Variants in NRIP1 observed in about 807,000 individuals in gnomAD.
The protein encoded by NRIP1 is nuclear receptor-interacting protein 1.
NRIP1 carries 28 observed loss-of-function variants against 75.0 expected under a neutral mutation model. The ratio of observed to expected loss-of-function variants is 0.37; its 90% confidence interval spans 0.28 to 0.51. The LOEUF (loss-of-function observed/expected upper bound fraction) is 0.51. Ranked by LOEUF, NRIP1 falls within the 20% of genes least tolerant of loss-of-function variation. The pLI is 0.92. For synonymous variants in NRIP1, 526 were observed against 487.6 expected, an observed-to-expected ratio of 1.08 and a Z score of -1.04; for missense variants, 1,435 against 1,343.7, an observed-to-expected ratio of 1.07 and a Z score of -1.06.
intron 3 of NRIP1, among the ~76,000 whole-genome samples, chr21:14,983,774 C>A (rs572414474): frequency 2.6e-5 from 4 of 152,160 alleles, no homozygotes; most frequent in Non-Finnish European, 4.4e-5. Flanking sequence ...TTAAAAATGA[C>A]GATAAATCTA....
At chr21:15,013,074 C>A (rs1239882937) in intron 3 of NRIP1, among the ~76,000 whole-genome samples, 1 of 151,810 alleles carries the variant, frequency 6.6e-6, no homozygotes, top group Non-Finnish European at 1.5e-5. Context: ...TTTCAGACTG[C>A]CAACCAGTGA....
chr21:15,016,103 A>T (rs1396425282), intron 2 of NRIP1, among the ~76,000 whole-genome samples: 1 of 152,216 alleles, frequency 6.6e-6, no homozygotes, highest in Non-Finnish European at 1.5e-5. Flanking sequence ...GCTATCATGG[A>T]CATGACTGTA....
chr21:14,965,465 TA>T lies in NRIP1; in HGVS notation c.2727del (p.Phe909LeufsTer28). On this transcript the variant is annotated frameshift_variant, in exon 4 of 4. Transcript: ENST00000318948. LOFTEE classifies it high-confidence loss of function. ...ELKFSRNDLE[F>X]KYPAGHGSAS... ...GCTGAGCCATGACCAGCAGGATATT[TA>T]AATTCAAGATCATTTCTGCTAAATT... The T allele has an allele frequency of 6.2e-7, 1 of 1,613,966 alleles. No individual in the cohort carries two copies.
intron 2 of NRIP1, among the ~76,000 whole-genome samples, chr21:15,034,366 T>G (rs1005813035): frequency 3.3e-5 from 5 of 152,210 alleles, no homozygotes. Context: ...TCATGCTTTA[T>G]ACTGAAAACT....
intron 3 of NRIP1, chr21:14,991,176 G>A (rs934294034): frequency 7.2e-5 from 11 of 151,788 alleles, no homozygotes; most frequent in Non-Finnish European, 1.5e-4. Context: ...TTCCACTGCT[G>A]TAGTTCTAAC....
intron 1 of NRIP1, among the ~76,000 whole-genome samples, chr21:15,047,051 C>T (rs2089095445): frequency 6.6e-6 from 1 of 152,136 alleles, no homozygotes. Flanking sequence ...TTAGTCCGTT[C>T]TCACACAGCT....
chr21:15,052,589 TGACTTA>T (rs2089224995), intron 1 of NRIP1, among the ~76,000 whole-genome samples: 8 of 152,296 alleles, frequency 5.3e-5, no homozygotes, highest in African/African-American at 7.2e-5. Flanking sequence ...ATACAGCCAA[TGACTTA>T]AACTACAGAA....
At chr21:14,988,357 A>T (rs924848467) in intron 3 of NRIP1, among the ~76,000 whole-genome samples, 8 of 151,714 alleles carry the variant, frequency 5.3e-5, no homozygotes, top group African/African-American at 1.7e-4. Flanking sequence ...CTCAAACAAA[A>T]TTTTTTTTGA....
intron 2 of NRIP1, among the ~76,000 whole-genome samples, chr21:15,014,966 A>T (rs2088191615): frequency 6.6e-6 from 1 of 152,198 alleles, no homozygotes; most frequent in African/African-American, 2.4e-5. Flanking sequence ...GATTTACACA[A>T]CAATGCCCAA....
chr21:15,046,716 T>C (rs531091705), intron 1 of NRIP1, among the ~76,000 whole-genome samples: 2 of 152,364 alleles, frequency 1.3e-5, no homozygotes, highest in Admixed American at 1.3e-4. Context: ...TCATTTACAC[T>C]GAAAATCTGC....
intron 3 of NRIP1, among the ~76,000 whole-genome samples, chr21:14,972,839 C>G (rs941120859): frequency 2.0e-5 from 3 of 152,122 alleles, no homozygotes; most frequent in Admixed American, 1.3e-4. Flanking sequence ...CACTAGGGTT[C>G]GCACTTCTAT....
At chr21:15,006,022 A>AT (rs2087963857) in intron 3 of NRIP1, among the ~76,000 whole-genome samples, 2 of 151,602 alleles carry the variant, frequency 1.3e-5, no homozygotes, top group Admixed American at 6.6e-5. Context: ...TAGAATTTTC[A>AT]TTTTTAAAAA....
intron 3 of NRIP1, among the ~76,000 whole-genome samples, chr21:14,977,260 T>C (rs887374057): frequency 3.3e-5 from 5 of 152,168 alleles, no homozygotes; most frequent in African/African-American, 1.2e-4. Context: ...GTCCTAATTA[T>C]TGACTCTTTT....
At chr21:15,026,700 C>T (rs1457067992) in intron 2 of NRIP1, among the ~76,000 whole-genome samples, 3 of 151,866 alleles carry the variant, frequency 2.0e-5, no homozygotes, top group African/African-American at 2.4e-5. Context: ...AACAAACAAA[C>T]GAAAGGACCC....
rs770743020 is a variant in NRIP1 at position 14,967,377 on chromosome 21, G to A, written c.816C>T (p.Ser272=). The stretch of plus-strand genomic sequence containing the variant: ...GAGAATACTGCTGCAAATGGGCTTC[G>A]CTTGACAGAAGTAATGCTAACTGGC... ...ACSQLALLLS[S]EAHLQQYSRE... The change falls in exon 4 of 4, where the codon AGC becomes AGT. Residue 272 remains serine (S), a synonymous_variant. Transcript: ENST00000318948. 120 of 1,613,972 alleles carry A rather than the reference G, an allele frequency of 7.4e-5. No individual in the cohort carries two copies. In the Middle Eastern group the frequency reaches 1.3e-3, roughly 18 times the overall value.
At chr21:15,022,927 A>G (rs1241324345) in intron 2 of NRIP1, among the ~76,000 whole-genome samples, 2 of 152,272 alleles carry the variant, frequency 1.3e-5, no homozygotes, top group Non-Finnish European at 2.9e-5. Flanking sequence ...GACACATGCT[A>G]CAACATAGTC....
intron 3 of NRIP1, among the ~76,000 whole-genome samples, chr21:14,987,253 G>C (rs1009635773): frequency 1.4e-4 from 21 of 152,116 alleles, no homozygotes; most frequent in African/African-American, 4.8e-4. Flanking sequence ...TAGAGCCCCT[G>C]GGCTGAACAA....
chr21:14,970,726 G>C (rs531605508), intron 3 of NRIP1, among the ~76,000 whole-genome samples: 1 of 152,188 alleles, frequency 6.6e-6, no homozygotes, highest in East Asian at 1.9e-4. Flanking sequence ...TTTGAAAACT[G>C]GTTTGTAAAC....
chr21:14,989,934 T>C (rs2087522643), intron 3 of NRIP1, among the ~76,000 whole-genome samples: 1 of 151,938 alleles, frequency 6.6e-6, no homozygotes, highest in African/African-American at 2.4e-5. Context: ...ACTAAAATAC[T>C]GGTCTTATTA....
Sources: gnomAD v4.1 joint callset for allele counts (sites outside exome capture counted in the v4.1 genomes callset) on GRCh38, gnomAD v4.1.1 for gene constraint, MANE v1.5 for transcripts, NCBI Gene and HGNC (gene_info 2026-07-23, HGNC 2026-07-21) for gene names.